Variants in TEX10 observed in about 807,000 individuals in gnomAD.
TEX10 encodes the protein testis-expressed protein 10.
In TEX10, 24 loss-of-function variants were observed where a neutral mutation model predicts 104.4. That is an observed-to-expected ratio of 0.23 (90% CI 0.17 to 0.32). The LOEUF (loss-of-function observed/expected upper bound fraction) is 0.32, where lower values mean the gene tolerates loss of function less well. Ranked by LOEUF, TEX10 falls within the 10% of genes least tolerant of loss-of-function variation. TEX10 has a pLI of 1.00. For synonymous variants in TEX10, 396 were observed against 393.4 expected, an observed-to-expected ratio of 1.01 and a Z score of -0.08; for missense variants, 921 against 1,083.9, an observed-to-expected ratio of 0.85 and a Z score of 2.11.
intron 13 of TEX10, chr9:100,304,169 C>A (rs1055777616): frequency 3.8e-5 from 13 of 341,814 alleles, no homozygotes; most frequent in South Asian, 1.6e-4. Context: ...AATGGCCACA[C>A]TGCTCAAAGC....
intron 4 of TEX10, among the ~76,000 whole-genome samples, chr9:100,343,022 G>A (rs900157590): frequency 1.1e-4 from 16 of 151,492 alleles, no homozygotes; most frequent in Admixed American, 5.9e-4. Context: ...AGTGGCAGGC[G>A]CCTGTAGTCC....
rs1373007354 is a variant in TEX10 at position 100,303,710 on chromosome 9, C to T, written c.2598G>A (p.Leu866=). 1.2e-6 allele frequency: 2 copies of T among 1,614,126 alleles called. No homozygotes were observed. Among genetic ancestry groups the T allele is most frequent in the Admixed American group, 1.7e-5 (1 of 60,028 alleles). ...TCCTGAGGGGTGCATGCTGAAGCAG[C>T]AGTCGAAGCAGCTGGCCCACAACAG... is the stretch of plus-strand genomic sequence containing the variant. ...ELPVVGQLLR[L]LLQHAPLRTH... Residue 866 remains leucine, a synonymous_variant, in exon 14 of 15, where the codon CTG becomes CTA. Transcript: ENST00000374902.
intron 1 of TEX10, 149 bp downstream of exon 1, chr9:100,352,623 T>TCGGAGGGACGCCGCGGCCCAGAC: frequency 6.8e-7 from 1 of 1,467,088 alleles, no homozygotes. Context: ...CAGGCCCAGC[T>TCGGAGGGACGCCGCGGCCCAGAC]CGGAGGGACG....
chr9:100,323,972 G>A (rs1834640662), intron 9 of TEX10, among the ~76,000 whole-genome samples: 1 of 152,150 alleles, frequency 6.6e-6, no homozygotes, highest in Non-Finnish European at 1.5e-5. Context: ...AAGAAGAGGA[G>A]CTATTTTGAA....
Position 100,346,198 on chromosome 9 carries a change from A to C in TEX10, c.1011T>G (p.Pro337=). ...LLIECWVEAV[P]PQLATPVGNG... ...TCCCAACAGGAGTAGCTAGTTGTGG[A>C]GGTACAGCTTCAACCCAGCATTCAA... Residue 337 remains proline (P), a synonymous_variant, in exon 4 of 15, where the codon CCT becomes CCG. Transcript: ENST00000374902. 3.1e-6 allele frequency: 5 copies of C among 1,614,054 alleles called. No individual in the cohort carries two copies. The highest frequency in any genetic ancestry group is 4.2e-6 in the Non-Finnish European group (5 of 1,179,966).
In TEX10 at chr9:100,346,107, T is replaced by C; in HGVS notation, c.1102A>G (p.Lys368Glu). ...GTTTCATCCTGTTGTTTAGAGAGTT[T>C]CCACAGAAGGGAAATAATATTAAGA... Reference protein sequence around the residue: ...QVLNIISLLWKLSKQQDETHK... With the variant: ...QVLNIISLLWELSKQQDETHK... Residue 368 changes from lysine to glutamate, a missense_variant, in exon 4 of 15, where the codon AAA becomes GAA. Coordinates refer to ENST00000374902, the MANE Select transcript of TEX10 (RefSeq NM_017746.4). The C allele has an allele frequency of 6.2e-7, 1 of 1,613,932 alleles. No homozygotes were observed. Among genetic ancestry groups the C allele is most frequent in the Non-Finnish European group, 8.5e-7 (1 of 1,179,898 alleles).
intron 11 of TEX10, among the ~76,000 whole-genome samples, chr9:100,314,064 G>C (rs1247805850): frequency 6.7e-6 from 1 of 149,894 alleles, no homozygotes; most frequent in Admixed American, 6.7e-5. Context: ...TCTGGTTCTG[G>C]GCTTTTTGTT....
rs1182764934 is a variant in TEX10 at position 100,339,245 on chromosome 9, C to CAAAAAAAAAAAAAAA, written c.1250+997_1250+1011dup. Among the ~76,000 whole-genome samples the CAAAAAAAAAAAAAAA allele has an allele frequency of 2.0e-4, 6 of 29,412 alleles. 1 individual carries two copies. Among genetic ancestry groups the CAAAAAAAAAAAAAAA allele is most frequent in the African/African-American group, 7.4e-4 (6 of 8,100 alleles). The allele number at this position is 29,412 out of a possible 152,430, so 19.3% of individuals were successfully genotyped here. A position where few individuals can be genotyped will look rare whatever the true frequency, so the allele number is the denominator to read the frequency against. On this transcript the variant is annotated intron_variant, in intron 5 of 14. Coordinates refer to ENST00000374902, the MANE Select transcript of TEX10 (RefSeq NM_017746.4). ...TGGGAAACAGAGTGAGACTCCATCT[C>CAAAAAAAAAAAAAAA]AAAAAAAAAAAAAAAAAAAAAAAAA...
intron 4 of TEX10, among the ~76,000 whole-genome samples, chr9:100,344,518 A>C (rs578222651): frequency 8.7e-4 from 126 of 144,190 alleles, no homozygotes; most frequent in African/African-American, 3.1e-3. Context: ...AACACCGAAG[A>C]AGCTTGGAAT....
chr9:100,312,669 G>A (rs1329096132), intron 11 of TEX10, among the ~76,000 whole-genome samples: 1 of 152,040 alleles, frequency 6.6e-6, no homozygotes, highest in Non-Finnish European at 1.5e-5. Context: ...TCACAAATAG[G>A]AGACTACCTG....
chr9:100,321,901 T>C lies in TEX10; in HGVS notation c.1980-130A>G, dbSNP rs1377943970. 5 of 602,862 alleles carry C rather than the reference T, an allele frequency of 8.3e-6. No homozygotes were observed. In the East Asian group the frequency reaches 1.1e-4, roughly 14 times the overall value. The allele number at this position is 602,862 out of a possible 1,614,324, so 37.3% of individuals were successfully genotyped here. A position where few individuals can be genotyped will look rare whatever the true frequency, so the allele number is the denominator to read the frequency against. On this transcript the variant is annotated intron_variant, in intron 9 of 14. Transcript: ENST00000374902. Reference sequence around the variant, plus strand: ...ATTTAGTAGCTTAAAATAAAACCCATAGTATGCCTTGTATTAATTTCATAT... The same window carrying C: ...ATTTAGTAGCTTAAAATAAAACCCACAGTATGCCTTGTATTAATTTCATAT...
intron 5 of TEX10, among the ~76,000 whole-genome samples, chr9:100,334,727 C>G (rs1834965195): frequency 1.3e-5 from 2 of 151,002 alleles, no homozygotes; most frequent in South Asian, 2.1e-4. Flanking sequence ...TACAGTGGCA[C>G]TATCTTGGCT....
chr9:100,308,705 A>G (rs1834200757), intron 12 of TEX10, 24 bp from the exon 13 acceptor site: 2 of 1,565,142 alleles, frequency 1.3e-6, no homozygotes, highest in Middle Eastern at 1.7e-4. Context: ...AACGAGATTA[A>G]TCACCTCTTC....
chr9:100,325,535 ACTTT>A lies in TEX10; in HGVS notation c.1979+763_1979+766del, dbSNP rs553433925. The stretch of plus-strand genomic sequence containing the variant: ...AGAACTTGTCTCTTGAAATATTAAA[ACTTT>A]CTTTTTTTTGAGACAGAGTCTCACT... On this transcript the variant is annotated intron_variant, in intron 9 of 14. Transcript: ENST00000374902. 1.2e-3 allele frequency among the ~76,000 whole-genome samples: 175 copies of A among 152,066 alleles called. 1 individual carries two copies. Among genetic ancestry groups the A allele is most frequent in the African/African-American group, 4.1e-3 (171 of 41,466 alleles).
intron 1 of TEX10, among the ~76,000 whole-genome samples, chr9:100,350,781 C>T (rs1466949553): frequency 1.3e-5 from 2 of 152,076 alleles, no homozygotes; most frequent in East Asian, 3.9e-4. Flanking sequence ...ATTCAGAAGC[C>T]AATCAGCTAT....
intron 5 of TEX10, among the ~76,000 whole-genome samples, chr9:100,339,003 C>T (rs2118912520): frequency 6.6e-6 from 1 of 151,976 alleles, no homozygotes; most frequent in South Asian, 2.1e-4. Flanking sequence ...CCTATAATTA[C>T]AGCACTTTGG....
At chr9:100,324,639 C>T (rs1564209375) in intron 9 of TEX10, among the ~76,000 whole-genome samples, 1 of 151,982 alleles carries the variant, frequency 6.6e-6, no homozygotes, top group Non-Finnish European at 1.5e-5. Context: ...CAAAAAAACC[C>T]CAAGATTTTA....
Position 100,347,423 on chromosome 9 carries a change from A to T in TEX10, c.181-17T>A. 1 of 1,533,714 alleles carries T rather than the reference A, an allele frequency of 6.5e-7. No individual in the cohort carries two copies. The highest frequency in any genetic ancestry group is 2.1e-5 in the Admixed American group (1 of 47,158). On this transcript the variant is annotated splice_polypyrimidine_tract_variant and intron_variant, in intron 2 of 14. Coordinates refer to ENST00000374902, the MANE Select transcript of TEX10 (RefSeq NM_017746.4). ...CAGCAAATCCTATAAATAAAAATACAAATTTTAGATGTATACTTATATACA... is the reference window on the plus strand; with the variant it reads ...CAGCAAATCCTATAAATAAAAATACTAATTTTAGATGTATACTTATATACA...
rs1008586277 is a variant in TEX10, at chr9:100,330,937, G to A, written c.1251-768C>T. Among the ~76,000 whole-genome samples, 12 of 152,000 alleles carry A rather than the reference G, an allele frequency of 7.9e-5. 1 individual carries two copies. In the East Asian group the frequency reaches 1.7e-3, roughly 22 times the overall value. On this transcript the variant is annotated intron_variant, in intron 5 of 14. Coordinates refer to ENST00000374902, the MANE Select transcript of TEX10 (RefSeq NM_017746.4). The stretch of plus-strand genomic sequence containing the variant: ...TGGAGACTAGCCTGGAAAACACAGC[G>A]AGACCCCATCTCTACAAAAAATGAA...
Sources: gnomAD v4.1 joint callset for allele counts (sites outside exome capture counted in the v4.1 genomes callset) on GRCh38, gnomAD v4.1.1 for gene constraint, MANE v1.5 for transcripts, NCBI Gene and HGNC (gene_info 2026-07-23, HGNC 2026-07-21) for gene names.